The following JARID2 variants were observed in gnomAD, a reference collection of about 807,000 sequenced individuals.
JARID2 encodes the protein jumonji and AT-rich interaction domain containing 2.
In JARID2, 21 loss-of-function variants were observed where a neutral mutation model predicts 125.6. The observed-to-expected ratio is 0.17, with a 90% CI of 0.12 to 0.24. JARID2 has a LOEUF of 0.24. Ranked by LOEUF, JARID2 falls within the 10% of genes least tolerant of loss-of-function variation. The pLI, the probability that JARID2 is intolerant of heterozygous loss-of-function variation, is 1.00. For missense variants in JARID2, 1,303 were observed against 1,639.6 expected (o/e 0.79, Z 3.55); for synonymous variants, 736 against 661.6 (o/e 1.11, Z -1.73).
chr6:15,464,498 G>A (rs937253403), intron 4 of JARID2, among the ~76,000 whole-genome samples: 2 of 152,186 alleles, frequency 1.3e-5, no homozygotes, highest in Admixed American at 6.5e-5. Context: ...TGGATTGGCC[G>A]TGGCCCTTGG....
chr6:15,459,274 C>A (rs149209892), intron 4 of JARID2, among the ~76,000 whole-genome samples: 2 of 152,206 alleles, frequency 1.3e-5, no homozygotes, highest in Non-Finnish European at 1.5e-5. Flanking sequence ...CATGGATACT[C>A]AAGTCCATTA....
At position 15,515,957 on chromosome 6, in the gene JARID2, C is replaced by T. The variant is rs191406697; in HGVS notation, c.3451-1204C>T. On this transcript the variant is annotated intron_variant, in intron 16 of 17. Transcript: ENST00000341776. ...GGTGGAGGTTGCAGTGAGCCGAGAT[C>T]GCGCCATCGCCCAGGTGACAGTGCG... Among the ~76,000 whole-genome samples the T allele has an allele frequency of 1.1e-4, 17 of 148,330 alleles. No homozygotes were observed. In the East Asian group the frequency reaches 2.0e-3, roughly 17 times the overall value.
chr6:15,518,308 C>A (rs569422050), intron 17 of JARID2, among the ~76,000 whole-genome samples: 1 of 152,172 alleles, frequency 6.6e-6, no homozygotes. Context: ...CAGCCTGTTT[C>A]TGTAGTCGGA....
At chr6:15,303,787 T>C (rs912831187) in intron 1 of JARID2, among the ~76,000 whole-genome samples, 4 of 152,124 alleles carry the variant, frequency 2.6e-5, no homozygotes, top group African/African-American at 9.7e-5. Context: ...AATTTGACAG[T>C]GGTATTTCAG....
chr6:15,428,722 A>G (rs1003960905), intron 3 of JARID2, among the ~76,000 whole-genome samples: 1 of 152,112 alleles, frequency 6.6e-6, no homozygotes, highest in Non-Finnish European at 1.5e-5. Flanking sequence ...CCTGGCCAAC[A>G]TGGTGAAACC....
At chr6:15,518,599 A>T (rs964833673) in intron 17 of JARID2, among the ~76,000 whole-genome samples, 1 of 151,936 alleles carries the variant, frequency 6.6e-6, no homozygotes, top group African/African-American at 2.4e-5. Flanking sequence ...CTCCTGCTTC[A>T]GTTTCTGGAG....
chr6:15,462,693 C>T (rs1478837620), intron 4 of JARID2, among the ~76,000 whole-genome samples: 1 of 152,194 alleles, frequency 6.6e-6, no homozygotes, highest in Admixed American at 6.5e-5. Context: ...GACTCTGCAG[C>T]TAAATGACAG....
At chr6:15,297,217 C>T (rs562016567) in intron 1 of JARID2, among the ~76,000 whole-genome samples, 24 of 152,290 alleles carry the variant, frequency 1.6e-4, no homozygotes, top group African/African-American at 5.8e-4. Flanking sequence ...GTGGTGTGAT[C>T]TTGGCTCACT....
At chr6:15,306,324 A>ATT (rs1761821347) in intron 1 of JARID2, among the ~76,000 whole-genome samples, 4 of 111,932 alleles carry the variant, frequency 3.6e-5, no homozygotes, top group Admixed American at 1.8e-4. Context: ...ACATAGTCAT[A>ATT]TTTCTTTTTT....
At chr6:15,516,768 A>C (rs1430048622) in intron 16 of JARID2, among the ~76,000 whole-genome samples, 2 of 152,124 alleles carry the variant, frequency 1.3e-5, no homozygotes, top group East Asian at 3.9e-4. Flanking sequence ...GTGGTTTCAA[A>C]CACAGGATCT....
intron 1 of JARID2, among the ~76,000 whole-genome samples, chr6:15,276,581 T>C (rs1760530332): frequency 1.3e-5 from 2 of 152,208 alleles, no homozygotes; most frequent in Admixed American, 6.5e-5. Flanking sequence ...GCCTAAAGGA[T>C]GTGCATCTTG....
At chr6:15,507,300 T>C (rs755536710) in intron 10 of JARID2, 46 bp downstream of exon 10, 1 of 1,606,456 alleles carries the variant, frequency 6.2e-7, no homozygotes, top group East Asian at 2.2e-5. Context: ...TGTGACTGCA[T>C]CCTTTCCCCG....
chr6:15,281,998 G>T (rs2127377558), intron 1 of JARID2, among the ~76,000 whole-genome samples: 1 of 151,818 alleles, frequency 6.6e-6, no homozygotes, highest in East Asian at 1.9e-4. Context: ...TGCCAAGGCT[G>T]GAGTGCAGTG....
chr6:15,471,970 A>G (rs928956337), intron 5 of JARID2, among the ~76,000 whole-genome samples: 2 of 148,748 alleles, frequency 1.3e-5, no homozygotes, highest in African/African-American at 5.1e-5. Flanking sequence ...AGGAGATTCT[A>G]CTTTTTCATT....
At chr6:15,314,198 T>G (rs1581401647) in intron 1 of JARID2, among the ~76,000 whole-genome samples, 1 of 152,224 alleles carries the variant, frequency 6.6e-6, no homozygotes, top group Non-Finnish European at 1.5e-5. Context: ...GGCTCCTGTT[T>G]CCCCCACTCC....
chr6:15,382,108 C>G (rs1048931271), intron 2 of JARID2, among the ~76,000 whole-genome samples: 1 of 152,138 alleles, frequency 6.6e-6, no homozygotes, highest in African/African-American at 2.4e-5. Context: ...ACTAAAAATA[C>G]AAAAATTAGC....
intron 3 of JARID2, among the ~76,000 whole-genome samples, chr6:15,446,374 C>T (rs1014660530): frequency 6.6e-6 from 1 of 152,216 alleles, no homozygotes; most frequent in Non-Finnish European, 1.5e-5. Flanking sequence ...TTAGGATGGT[C>T]ACCTCTCTCC....
chr6:15,477,292 T>G (rs1218621919), intron 5 of JARID2, among the ~76,000 whole-genome samples: 1 of 152,096 alleles, frequency 6.6e-6, no homozygotes, highest in Non-Finnish European at 1.5e-5. Context: ...GGTGGGGTGT[T>G]GGGGTGTCGG....
chr6:15,517,310 CGCCTTCCCTGCTCCCG>C, intron 17 of JARID2, 42 bp downstream of exon 17: 1 of 1,387,186 alleles, frequency 7.2e-7, no homozygotes, highest in Non-Finnish European at 1.0e-6. Flanking sequence ...GGCAGCGTGG[CGCCTTCCCTGCTCCCG>C]GCTGGATGTA....
Sources: allele counts gnomAD v4.1 joint callset (sites outside exome capture counted in the v4.1 genomes callset), GRCh38; gene constraint gnomAD v4.1.1; transcripts MANE v1.5; gene names NCBI Gene and HGNC (gene_info 2026-07-23, HGNC 2026-07-21).